Variants in NCOA2 observed in about 807,000 individuals in gnomAD.
NCOA2 encodes nuclear receptor coactivator 2.
In NCOA2, 21 loss-of-function variants were observed where a neutral mutation model predicts 145.1. That is an observed-to-expected ratio of 0.14 (90% CI 0.10 to 0.21). The LOEUF (loss-of-function observed/expected upper bound fraction) is 0.21, where lower values mean the gene tolerates loss of function less well. Ranked by LOEUF, NCOA2 falls within the 10% of genes least tolerant of loss-of-function variation. NCOA2 has a pLI of 1.00. For synonymous variants in NCOA2, 619 were observed against 637.5 expected (o/e 0.97, Z 0.44); for missense variants, 1,472 against 1,837.6 (o/e 0.80, Z 3.64).
chr8:70,214,536 C>T (rs1349154791), intron 3 of NCOA2, among the ~76,000 whole-genome samples: 2 of 152,026 alleles, frequency 1.3e-5, no homozygotes, highest in Non-Finnish European at 2.9e-5. Flanking sequence ...AAAAATAAAA[C>T]CAGATATTTA....
intron 9 of NCOA2, among the ~76,000 whole-genome samples, chr8:70,161,900 T>C (rs907563699): frequency 6.6e-6 from 1 of 151,644 alleles, no homozygotes; most frequent in African/African-American, 2.4e-5. Context: ...TTTTTTTTGG[T>C]TCCTACCTCT....
Position 70,156,977 on chromosome 8 carries a change from T to A in NCOA2, c.1388A>T (p.Tyr463Phe). 6.2e-7 allele frequency: 1 copy of A among 1,614,016 alleles called. No homozygotes were observed. The highest frequency in any genetic ancestry group is 8.5e-7 in the Non-Finnish European group (1 of 1,179,882). The stretch of plus-strand genomic sequence containing the variant: ...TGAGGGGCTGTTCATTTTGAGTGCA[T>A]AGTTACTACCCTGAGGAGTGGTTGC... ...MQATTPQGSN[Y>F]ALKMNSPSQS... The change falls in exon 11 of 23, where the codon TAT becomes TTT. Residue 463 changes from tyrosine (Y) to phenylalanine (F), a missense_variant. By Grantham distance (22) the Tyr-to-Phe change is conservative. Around this residue, in one of 4 missense-constraint regions of NCOA2, gnomAD observed 953 missense variants for 1,062.1 expected, o/e 0.90. Transcript: ENST00000452400.
the NCOA2 span, among the ~76,000 whole-genome samples, chr8:70,434,367 G>C: frequency 1.3e-5 from 2 of 152,128 alleles, no homozygotes; most frequent in Non-Finnish European, 2.9e-5. Flanking sequence ...TTTCAGAACT[G>C]ACACATTCTA....
chr8:70,372,358 T>A, intron 1 of NCOA2, among the ~76,000 whole-genome samples: 1 of 152,204 alleles, frequency 6.6e-6, no homozygotes, highest in Non-Finnish European at 1.5e-5. Flanking sequence ...TAGAATTTAA[T>A]GCTTTAACAT....
At chr8:70,173,636 A>C (rs1814491383) in intron 5 of NCOA2, among the ~76,000 whole-genome samples, 1 of 152,150 alleles carries the variant, frequency 6.6e-6, no homozygotes, top group Non-Finnish European at 1.5e-5. Flanking sequence ...GTGATTCTAG[A>C]GGAGATAAGC....
intron 6 of NCOA2, among the ~76,000 whole-genome samples, chr8:70,167,512 C>T (rs1470491519): frequency 6.6e-6 from 1 of 152,154 alleles, no homozygotes. Flanking sequence ...CCCCATACTG[C>T]CTCCTTGGGC....
Position 70,216,645 on chromosome 8 carries a change from C to T in NCOA2, c.86+15G>A. 1 of 1,594,352 alleles carries T rather than the reference C, an allele frequency of 6.3e-7. No individual in the cohort carries two copies. Among genetic ancestry groups the T allele is most frequent in the Non-Finnish European group, 8.6e-7 (1 of 1,162,088 alleles). ...AACAGACAATACTGATTCCTTTTCT[C>T]AGCAAGAATCTAACCTGGGTCCAAG... On this transcript the variant is annotated intron_variant, in intron 3 of 22. Transcript: ENST00000452400.
chr8:70,173,531 T>C (rs1003587132), intron 5 of NCOA2, among the ~76,000 whole-genome samples: 4 of 152,318 alleles, frequency 2.6e-5, no homozygotes, highest in Middle Eastern at 3.4e-3. Flanking sequence ...GAAGTAGCAC[T>C]CTCTGGCCTT....
At chr8:70,222,854 T>C (rs1820275938) in intron 2 of NCOA2, among the ~76,000 whole-genome samples, 1 of 152,212 alleles carries the variant, frequency 6.6e-6, no homozygotes, top group South Asian at 2.1e-4. Context: ...CAGGGAGCTG[T>C]TCTAAACTAT....
intron 1 of NCOA2, among the ~76,000 whole-genome samples, chr8:70,346,439 A>AT (rs1808652421): frequency 6.6e-6 from 1 of 152,206 alleles, no homozygotes; most frequent in Non-Finnish European, 1.5e-5. Flanking sequence ...GAGCTCAGTA[A>AT]TTTTTTTAGA....
intron 1 of NCOA2, among the ~76,000 whole-genome samples, chr8:70,398,112 T>C (rs1349190725): frequency 6.6e-6 from 1 of 151,904 alleles, no homozygotes; most frequent in African/African-American, 2.4e-5. Flanking sequence ...AACGATAAAA[T>C]GAATGAAGCA....
the NCOA2 span, among the ~76,000 whole-genome samples, chr8:70,441,750 GAGAA>G: frequency 4.3e-5 from 6 of 140,560 alleles, no homozygotes; most frequent in East Asian, 6.3e-4. Flanking sequence ...ACAGGAAAGA[GAGAA>G]AGAAAGAGAG....
chr8:70,293,660 A>C (rs1826875736), intron 2 of NCOA2, among the ~76,000 whole-genome samples: 1 of 152,240 alleles, frequency 6.6e-6, no homozygotes, highest in Non-Finnish European at 1.5e-5. Context: ...ATAAATCCAC[A>C]GTGAGTTCAA....
chr8:70,248,260 A>G (rs1403248974), intron 2 of NCOA2, among the ~76,000 whole-genome samples: 2 of 152,214 alleles, frequency 1.3e-5, no homozygotes, highest in African/African-American at 4.8e-5. Context: ...TCTAAAGAGA[A>G]GAGTAAAGTT....
chr8:70,147,129 T>TGCGCGCGC (rs1204637930), intron 12 of NCOA2, among the ~76,000 whole-genome samples: 1 of 148,776 alleles, frequency 6.7e-6, no homozygotes, highest in African/African-American at 2.5e-5. Context: ...CGCGCGCGCG[T>TGCGCGCGC]GTGTGTGTGT....
At chr8:70,200,127 G>A (rs903688842) in intron 4 of NCOA2, among the ~76,000 whole-genome samples, 1 of 152,150 alleles carries the variant, frequency 6.6e-6, no homozygotes, top group Non-Finnish European at 1.5e-5. Context: ...ACAGGAGGAT[G>A]TGCATAGGTT....
At chr8:70,288,036 T>G (rs1826369799) in intron 2 of NCOA2, among the ~76,000 whole-genome samples, 1 of 152,130 alleles carries the variant, frequency 6.6e-6, no homozygotes, top group Non-Finnish European at 1.5e-5. Flanking sequence ...GCTAATTAGG[T>G]GCAAATCACT....
chr8:70,144,894 G>A (rs1158264332), intron 12 of NCOA2, 46 bp from the exon 13 acceptor site: 1 of 1,511,052 alleles, frequency 6.6e-7, no homozygotes, highest in Admixed American at 1.7e-5. Flanking sequence ...TAGGATAATG[G>A]AAAATAATAT....
At position 70,113,026 on chromosome 8, in the gene NCOA2, A is replaced by G. The variant is rs1475950346; in HGVS notation, c.*606T>C. 3 of 199,926 alleles carry G rather than the reference A, an allele frequency of 1.5e-5. No individual in the cohort carries two copies. Among genetic ancestry groups the G allele is most frequent in the Admixed American group, 1.2e-4 (2 of 16,566 alleles). The allele number at this position is 199,926 out of a possible 1,614,324, so 12.4% of individuals were successfully genotyped here. ...GGAGACTCTTTCCAACATGGTCTTT[A>G]GAGCTTTCTAGAGATACGACTGTGA... is the stretch of plus-strand genomic sequence containing the variant. On this transcript the variant is annotated 3_prime_UTR_variant, in exon 23 of 23. Coordinates refer to ENST00000452400, the MANE Select transcript of NCOA2 (RefSeq NM_006540.4).
Sources: allele counts gnomAD v4.1 joint callset (sites outside exome capture counted in the v4.1 genomes callset), GRCh38; gene constraint gnomAD v4.1.1; regional missense constraint gnomAD v4.1.1; transcripts MANE v1.5; gene names NCBI Gene and HGNC (gene_info 2026-07-23, HGNC 2026-07-21).